Variants in PCDHGB3 observed in about 807,000 individuals in gnomAD.
The protein encoded by PCDHGB3 is protocadherin gamma-B3.
PCDHGB3 carries 40 observed loss-of-function variants against 59.2 expected under a neutral mutation model. The observed-to-expected ratio is 0.68, with a 90% CI of 0.52 to 0.88. The LOEUF is 0.88. Ranked by LOEUF, PCDHGB3 falls within the 40% of genes least tolerant of loss-of-function variation. The pLI, the probability that PCDHGB3 is intolerant of heterozygous loss-of-function variation, is 0.00. For missense variants in PCDHGB3, 1,309 were observed against 1,187.9 expected (o/e 1.10, Z -1.50); for synonymous variants, 581 against 503.6 (o/e 1.15, Z -2.06).
chr5:141,429,487 C>G (rs2097218311), intron 1 of PCDHGB3, among the ~76,000 whole-genome samples: 1 of 151,822 alleles, frequency 6.6e-6, no homozygotes, highest in Non-Finnish European at 1.5e-5. Flanking sequence ...GTAGCTGAGA[C>G]TACAGTTGCC....
chr5:141,445,828 G>A (rs1188169953), intron 1 of PCDHGB3, among the ~76,000 whole-genome samples: 2 of 152,188 alleles, frequency 1.3e-5, no homozygotes, highest in African/African-American at 2.4e-5. Context: ...AAGGCAGGGA[G>A]AGCCTTGTAA....
At chr5:141,418,343 A>G in intron 1 of PCDHGB3, 1 of 1,614,010 alleles carries the variant, frequency 6.2e-7, no homozygotes, top group Non-Finnish European at 8.5e-7. Flanking sequence ...AGATCCTGAT[A>G]TTAGTATGAA....
chr5:141,486,105 A>C lies in PCDHGB3; in HGVS notation c.2416-8702A>C. The stretch of plus-strand genomic sequence containing the variant: ...ACTCTTTTGGGGCCCCTAGACTTTG[A>C]GAGTGAGAATTACTATGAATTTGAT... On this transcript the variant is annotated intron_variant, in intron 1 of 3. Transcript: ENST00000576222. This position sits in a 1 kb window ranked among gnomAD's most constrained non-coding sequence, Gnocchi z 5.0. The C allele has an allele frequency of 1.2e-6, 2 of 1,614,138 alleles. No individual in the cohort carries two copies. The highest frequency in any genetic ancestry group is 1.7e-6 in the Non-Finnish European group (2 of 1,180,016).
At position 141,399,661 on chromosome 5, in the gene PCDHGB3, G is replaced by T. The variant is rs1021211609; in HGVS notation, c.2415+26852G>T. The T allele has an allele frequency of 6.8e-6, 11 of 1,613,526 alleles. No individual in the cohort carries two copies. Among genetic ancestry groups the T allele is most frequent in the Non-Finnish European group, 9.3e-6 (11 of 1,179,892 alleles). ...GAGCGCGCAAAGTGGGGTGGTGTTC[G>T]CGCAGCGCGCCTTTGACTACGAGCA... On this transcript the variant is annotated intron_variant, in intron 1 of 3. Transcript: ENST00000576222.
intron 1 of PCDHGB3, chr5:141,415,488 C>T: frequency 1.9e-6 from 3 of 1,614,220 alleles, no homozygotes; most frequent in Non-Finnish European, 2.5e-6. Context: ...GAAAGAGTCA[C>T]CTGATCTTCC....
At chr5:141,389,337 G>T (rs756804360) in intron 1 of PCDHGB3, 7 of 1,614,014 alleles carry the variant, frequency 4.3e-6, no homozygotes, top group Non-Finnish European at 5.9e-6. Flanking sequence ...CAACGGCCAA[G>T]TCTCTTACTG....
intron 1 of PCDHGB3, chr5:141,375,151 T>A (rs1771184032): frequency 6.2e-7 from 1 of 1,613,844 alleles, no homozygotes; most frequent in African/African-American, 1.3e-5. Context: ...GCAGAACAAT[T>A]GCTGAAAGTG....
intron 1 of PCDHGB3, chr5:141,376,562 C>G: frequency 1.2e-6 from 2 of 1,608,850 alleles, no homozygotes; most frequent in Non-Finnish European, 8.5e-7. Context: ...CGCAACCCAA[C>G]TAATCAGACA....
In PCDHGB3 at chr5:141,486,531, C is replaced by T; in HGVS notation, c.2416-8276C>T. The T allele has an allele frequency of 6.2e-7, 1 of 1,614,062 alleles. No homozygotes were observed. Among genetic ancestry groups the T allele is most frequent in the Non-Finnish European group, 8.5e-7 (1 of 1,180,020 alleles). Reference sequence around the variant, plus strand: ...ATTTCAGATGTGAATGATAATCCACCCTCTTTCTTTCAGAGGTCACATGAG... The same window carrying T: ...ATTTCAGATGTGAATGATAATCCACTCTCTTTCTTTCAGAGGTCACATGAG... On this transcript the variant is annotated intron_variant, in intron 1 of 3. Transcript: ENST00000576222. This position sits in a 1 kb window ranked among gnomAD's most constrained non-coding sequence, Gnocchi z 5.0.
intron 1 of PCDHGB3, chr5:141,378,119 G>T (rs1412148490): frequency 1.3e-5 from 2 of 152,132 alleles, no homozygotes; most frequent in South Asian, 2.1e-4. Flanking sequence ...TAGTGAACAC[G>T]TATTTGTTGA....
intron 1 of PCDHGB3, among the ~76,000 whole-genome samples, chr5:141,466,008 G>C (rs1298363274): frequency 6.6e-6 from 1 of 151,970 alleles, no homozygotes; most frequent in Non-Finnish European, 1.5e-5. Flanking sequence ...TGTAGTCCCA[G>C]CTACTCGGGA....
intron 1 of PCDHGB3, chr5:141,375,368 A>G (rs774708513): frequency 1.9e-6 from 3 of 1,613,754 alleles, no homozygotes; most frequent in East Asian, 4.5e-5. Context: ...GGACAAAGGA[A>G]CACCACCTCT....
At chr5:141,425,491 C>G (rs1243033082) in intron 1 of PCDHGB3, among the ~76,000 whole-genome samples, 1 of 152,200 alleles carries the variant, frequency 6.6e-6, no homozygotes, top group Non-Finnish European at 1.5e-5. Context: ...ACCTACTAGG[C>G]TATACCTTTA....
chr5:141,418,178 G>A, intron 1 of PCDHGB3: 1 of 1,614,080 alleles, frequency 6.2e-7, no homozygotes, highest in Non-Finnish European at 8.5e-7. Flanking sequence ...GTTGCAATTG[G>A]AAGCTGTGGT....
chr5:141,408,729 C>T (rs767933076), intron 1 of PCDHGB3: 9 of 1,610,240 alleles, frequency 5.6e-6, no homozygotes, highest in Non-Finnish European at 7.6e-6. Flanking sequence ...AACTCTAATC[C>T]TTATTTTTCA....
chr5:141,421,109 T>C (rs2096547097), intron 1 of PCDHGB3: 2 of 715,670 alleles, frequency 2.8e-6, no homozygotes, highest in East Asian at 2.8e-5. Flanking sequence ...GACTTAGAAG[T>C]ATTTTCCTTC....
rs1012728568 is a variant in PCDHGB3 at position 141,495,487 on chromosome 5, T to C, written c.2474+622T>C. Among the ~76,000 whole-genome samples, 22 of 152,328 alleles carry C rather than the reference T, an allele frequency of 1.4e-4. 1 individual carries two copies. The East Asian group carries it at 4.1e-3, about 28-fold the overall frequency. ...GGGGTCTCCGTGTCTCTGCCCCTTT[T>C]TCTTGAGTTTCCGTCTTTGCCACTT... On this transcript the variant is annotated intron_variant, in intron 2 of 3. Coordinates refer to ENST00000576222, the MANE Select transcript of PCDHGB3 (RefSeq NM_018924.5).
chr5:141,399,146 G>T (rs758823968), intron 1 of PCDHGB3: 1 of 1,613,792 alleles, frequency 6.2e-7, no homozygotes, highest in East Asian at 2.2e-5. Context: ...AATGACAATA[G>T]CCCAGAAGTT....
At chr5:141,408,806 C>T in intron 1 of PCDHGB3, 1 of 1,613,010 alleles carries the variant, frequency 6.2e-7, no homozygotes, top group Non-Finnish European at 8.5e-7. Flanking sequence ...ACTCCTAGAC[C>T]GGGAAGAACA....
Sources: gnomAD v4.1 joint callset for allele counts (sites outside exome capture counted in the v4.1 genomes callset) on GRCh38, gnomAD v4.1.1 for gene constraint, Gnocchi (gnomAD v3.1) non-coding constraint, MANE v1.5 for transcripts, NCBI Gene and HGNC (gene_info 2026-07-23, HGNC 2026-07-21) for gene names.